The following ZZEF1 variants were observed in gnomAD, a reference collection of about 807,000 sequenced individuals.
ZZEF1 encodes zinc finger ZZ-type and EF-hand domain-containing protein 1.
Under a neutral mutation model 342.8 loss-of-function variants are expected in ZZEF1, and 157 were observed. That is an observed-to-expected ratio of 0.46 (90% CI 0.40 to 0.52). ZZEF1 has a LOEUF of 0.52. Ranked by LOEUF, ZZEF1 falls within the 20% of genes least tolerant of loss-of-function variation. The pLI is 0.00. For synonymous variants in ZZEF1, 1,505 were observed against 1,429.1 expected (o/e 1.05, Z -1.20); for missense variants, 3,480 against 3,725.6 (o/e 0.93, Z 1.72).
rs375015587 is a variant in ZZEF1 at position 4,088,937 on chromosome 17, C to G, written c.2026-44G>C. On this transcript the variant is annotated intron_variant, in intron 12 of 54. Transcript: ENST00000381638. ...ATTTCAATAGAAGAACTCAGAATCC[C>G]TGAATATTGATTAAAGAGGGAAAAA... 1.1e-5 allele frequency: 17 copies of G among 1,587,316 alleles called. No individual in the cohort carries two copies. In the African/African-American group the frequency reaches 2.2e-4, roughly 20 times the overall value.
Position 4,029,496 on chromosome 17 carries a change from GA to G in ZZEF1, c.6892+2629del, listed in dbSNP as rs1015708742. Among the ~76,000 whole-genome samples, 8 of 147,582 alleles carry G rather than the reference GA, an allele frequency of 5.4e-5. No individual in the cohort carries two copies. In the East Asian group the frequency reaches 9.8e-4, roughly 18 times the overall value. ...ACTGAATCCAAGGGACACCGAAAAA[GA>G]AAAAAAAAATAGTGGATGTGGCTAA... On this transcript the variant is annotated intron_variant, in intron 42 of 54. Coordinates refer to ENST00000381638, the MANE Select transcript of ZZEF1 (RefSeq NM_015113.4).
chr17:4,074,498 A>AG, intron 23 of ZZEF1, 147 bp from the exon 24 acceptor site: 1 of 834,720 alleles, frequency 1.2e-6, no homozygotes, highest in South Asian at 1.6e-5. Flanking sequence ...AAATGTACAA[A>AG]GGGGTGACGG....
In ZZEF1 at chr17:4,051,958, A is replaced by C. The variant is rs1487905861; in HGVS notation, c.5600+13T>G. On this transcript the variant is annotated intron_variant, in intron 35 of 54. Coordinates refer to ENST00000381638, the MANE Select transcript of ZZEF1 (RefSeq NM_015113.4). Reference sequence around the variant, plus strand: ...AATAAAAGGCTTGGTGGCGACGGTCACTTGAGACATACCCGTAGGAGTATT... The same window carrying C: ...AATAAAAGGCTTGGTGGCGACGGTCCCTTGAGACATACCCGTAGGAGTATT... 6.2e-7 allele frequency: 1 copy of C among 1,605,102 alleles called. No individual in the cohort carries two copies. Among genetic ancestry groups the C allele is most frequent in the Non-Finnish European group, 8.5e-7 (1 of 1,173,816 alleles).
In ZZEF1 at chr17:4,017,183, C is replaced by T. The variant is rs925974038; in HGVS notation, c.8001+188G>A. The T allele has an allele frequency of 4.0e-6, 3 of 756,124 alleles. No individual in the cohort carries two copies. The African/African-American group carries it at 5.3e-5, about 13-fold the overall frequency. 46.8% of individuals were successfully genotyped at this position (756,124 alleles called of 1,614,324 possible). On this transcript the variant is annotated intron_variant, in intron 48 of 54. Coordinates refer to ENST00000381638, the MANE Select transcript of ZZEF1 (RefSeq NM_015113.4). The surrounding 1 kb of genome is among the most constrained non-coding windows in gnomAD (Gnocchi z 5.1). ...GTTCAGCTGGAAATCGCGCTCAGGG[C>T]CCCTGAGTTCCTCACTAGCCCAATC...
At chr17:4,029,869 C>T (rs1407241135) in intron 42 of ZZEF1, among the ~76,000 whole-genome samples, 1 of 116,878 alleles carries the variant, frequency 8.6e-6, no homozygotes, top group Non-Finnish European at 1.7e-5. Context: ...AGCAAAACTC[C>T]ATCTCAAAAA....
intron 32 of ZZEF1, among the ~76,000 whole-genome samples, chr17:4,057,725 C>T (rs61442612): frequency 0.15 from 22,651 of 152,190 alleles, 1,871 homozygotes; most frequent in East Asian, 0.18. Flanking sequence ...ATGCCAGACG[C>T]GGTTCTAAAC....
intron 30 of ZZEF1, among the ~76,000 whole-genome samples, chr17:4,062,485 C>T (rs184301989): frequency 1.3e-5 from 2 of 151,976 alleles, no homozygotes; most frequent in Admixed American, 1.3e-4. Flanking sequence ...TTCCAGGAGC[C>T]AAATGATGCA....
chr17:4,037,373 T>C (rs1477847263), intron 39 of ZZEF1, among the ~76,000 whole-genome samples: 1 of 152,222 alleles, frequency 6.6e-6, no homozygotes. Flanking sequence ...GCATCTCATC[T>C]GTGATTTTCC....
intron 34 of ZZEF1, among the ~76,000 whole-genome samples, chr17:4,052,477 C>T (rs1449776738): frequency 1.3e-5 from 2 of 152,336 alleles, no homozygotes; most frequent in East Asian, 3.9e-4. Flanking sequence ...TTCCTGTTAA[C>T]AAGCACTGAG....
At chr17:4,113,813 G>A (rs1048061476) in intron 4 of ZZEF1, among the ~76,000 whole-genome samples, 2 of 151,978 alleles carry the variant, frequency 1.3e-5, no homozygotes, top group South Asian at 2.1e-4. Context: ...CTACAAAAAA[G>A]TATAAAGAAA....
At chr17:4,046,970 T>C (rs1039930618) in intron 37 of ZZEF1, among the ~76,000 whole-genome samples, 1 of 152,072 alleles carries the variant, frequency 6.6e-6, no homozygotes, top group Non-Finnish European at 1.5e-5. Context: ...GGGGCCCCAA[T>C]GGGATACAGT....
intron 42 of ZZEF1, among the ~76,000 whole-genome samples, chr17:4,029,874 C>CAAAAAAAAAAAAA (rs58293642): frequency 1.2e-5 from 1 of 82,246 alleles, no homozygotes; most frequent in African/African-American, 3.9e-5. Context: ...AACTCCATCT[C>CAAAAAAAAAAAAA]AAAAAAAAAA....
intron 25 of ZZEF1, among the ~76,000 whole-genome samples, chr17:4,071,680 G>C (rs1194913780): frequency 6.6e-6 from 1 of 152,174 alleles, no homozygotes; most frequent in Non-Finnish European, 1.5e-5. Context: ...GGATGCTAGG[G>C]AGCAGTGGCT....
At chr17:4,032,570 AT>A (rs1264480656) in intron 41 of ZZEF1, among the ~76,000 whole-genome samples, 2 of 152,360 alleles carry the variant, frequency 1.3e-5, no homozygotes, top group Middle Eastern at 3.4e-3. Flanking sequence ...TTGTAATCTG[AT>A]ATATTACAGT....
In ZZEF1 at chr17:4,017,478, TA is replaced by T; in HGVS notation, c.7893del (p.Ser2632AlafsTer5). On this transcript the variant is annotated frameshift_variant, in exon 48 of 55. Coordinates refer to ENST00000381638, the MANE Select transcript of ZZEF1 (RefSeq NM_015113.4). LOFTEE classifies it high-confidence loss of function. This position sits in a 1 kb window ranked among gnomAD's most constrained non-coding sequence, Gnocchi z 5.1. ...ATGTCCTCGCTCACTGGCACGTGGC[TA>T]GGCCACTCGGCGAGCAGGGATGCAA... Reference protein sequence around the residue: ...HVLASLLAEWPSHVPVSEDIL... With the variant: ...HVLASLLAEWXSHVPVSEDIL... The T allele has an allele frequency of 6.2e-7, 1 of 1,614,268 alleles. No homozygotes were observed. Among genetic ancestry groups the T allele is most frequent in the South Asian group, 1.1e-5 (1 of 91,092 alleles).
chr17:4,060,535 C>T (rs982232418), intron 30 of ZZEF1, among the ~76,000 whole-genome samples: 9 of 140,576 alleles, frequency 6.4e-5, no homozygotes, highest in Admixed American at 3.5e-4. Context: ...GGTGACACAG[C>T]GAAACTCTTG....
intron 32 of ZZEF1, 47 bp from the exon 33 acceptor site, chr17:4,056,392 CAAGGA>C: frequency 6.5e-7 from 1 of 1,529,796 alleles, no homozygotes; most frequent in Non-Finnish European, 8.8e-7. Flanking sequence ...TCCCAATCAC[CAAGGA>C]AAGTACTGGT....
At chr17:4,080,594 TAGTC>T (rs1414962773) in intron 18 of ZZEF1, among the ~76,000 whole-genome samples, 5 of 152,186 alleles carry the variant, frequency 3.3e-5, no homozygotes, top group African/African-American at 4.8e-5. Flanking sequence ...TTCTCCATGT[TAGTC>T]AGGCTGGTCT....
chr17:4,009,427 G>C (rs901562480), intron 53 of ZZEF1, 177 bp downstream of exon 53: 17 of 831,826 alleles, frequency 2.0e-5, no homozygotes, highest in Middle Eastern at 3.5e-4. Flanking sequence ...CTGACCTGAG[G>C]GTTTCCCAGG....
Sources: gnomAD v4.1 joint callset for allele counts (sites outside exome capture counted in the v4.1 genomes callset) on GRCh38, gnomAD v4.1.1 for gene constraint, Gnocchi (gnomAD v3.1) non-coding constraint, MANE v1.5 for transcripts, NCBI Gene and HGNC (gene_info 2026-07-23, HGNC 2026-07-21) for gene names.